The following GRIA4 variants were observed in gnomAD, a reference collection of about 807,000 sequenced individuals.
The protein encoded by GRIA4 is glutamate ionotropic receptor AMPA type subunit 4, also known as glutamate receptor 4.
A neutral mutation model predicts 104.0 loss-of-function variants in GRIA4; 34 were observed. That is an observed-to-expected ratio of 0.33 (90% CI 0.25 to 0.44). The LOEUF (loss-of-function observed/expected upper bound fraction) is 0.44. Ranked by LOEUF, GRIA4 falls within the 20% of genes least tolerant of loss-of-function variation. The probability of loss-of-function intolerance (pLI) is 1.00; values close to 1 mark genes in which losing one functional copy is unlikely to be tolerated. For missense variants in GRIA4, 750 were observed against 1,096.5 expected, an observed-to-expected ratio of 0.68 and a Z score of 4.46; for synonymous variants, 386 against 381.9, an observed-to-expected ratio of 1.01 and a Z score of -0.13.
intron 3 of GRIA4, among the ~76,000 whole-genome samples, chr11:105,683,090 C>T (rs1952762352): frequency 6.6e-6 from 1 of 151,970 alleles, no homozygotes; most frequent in Admixed American, 6.6e-5. Context: ...AATAAATTTG[C>T]TAAACTAAGG....
chr11:105,930,719 T>C (rs986933370), intron 13 of GRIA4, among the ~76,000 whole-genome samples: 1 of 152,154 alleles, frequency 6.6e-6, no homozygotes, highest in African/African-American at 2.4e-5. Context: ...AACTGTCCTA[T>C]TCCTTTAATA....
chr11:105,779,397 T>A (rs1941607947), intron 4 of GRIA4, among the ~76,000 whole-genome samples: 1 of 152,126 alleles, frequency 6.6e-6, no homozygotes, highest in Non-Finnish European at 1.5e-5. Flanking sequence ...GCCATCTCCA[T>A]CAAGCTACCA....
chr11:105,863,005 T>C (rs1262539301), intron 5 of GRIA4, among the ~76,000 whole-genome samples: 3 of 152,208 alleles, frequency 2.0e-5, no homozygotes, highest in Non-Finnish European at 4.4e-5. Context: ...GCTCATATTA[T>C]CTACAATACG....
chr11:105,753,284 T>A (rs1940113239), intron 4 of GRIA4, 64 bp downstream of exon 4: 1 of 1,480,206 alleles, frequency 6.8e-7, no homozygotes, highest in African/African-American at 1.4e-5. Context: ...TGGCCTTATA[T>A]GACTTCGGTT....
intron 3 of GRIA4, among the ~76,000 whole-genome samples, chr11:105,738,200 C>T (rs930581366): frequency 6.6e-6 from 1 of 152,124 alleles, no homozygotes; most frequent in Non-Finnish European, 1.5e-5. Flanking sequence ...TGTAAATTAA[C>T]TTTGGTAACT....
chr11:105,944,421 T>C (rs1948255614), intron 14 of GRIA4, among the ~76,000 whole-genome samples: 1 of 152,112 alleles, frequency 6.6e-6, no homozygotes, highest in Admixed American at 6.6e-5. Context: ...TTCAATCAAT[T>C]GTCTGGTATT....
At chr11:105,816,520 T>G (rs1943383112) in intron 4 of GRIA4, among the ~76,000 whole-genome samples, 2 of 152,168 alleles carry the variant, frequency 1.3e-5, no homozygotes, top group South Asian at 4.1e-4. Flanking sequence ...GATTGTAAGC[T>G]TCTAGAGGCC....
At chr11:105,854,349 A>G (rs1944933250) in intron 4 of GRIA4, among the ~76,000 whole-genome samples, 1 of 152,190 alleles carries the variant, frequency 6.6e-6, no homozygotes, top group African/African-American at 2.4e-5. Flanking sequence ...AAAACCCTGA[A>G]GACCCATCTT....
intron 4 of GRIA4, among the ~76,000 whole-genome samples, chr11:105,792,912 T>C: frequency 1.3e-5 from 1 of 75,384 alleles, no homozygotes; most frequent in South Asian, 3.4e-4. Context: ...TTGTCCAACA[T>C]ACAAGACAGG....
At chr11:105,671,013 A>G (rs1202438278) in intron 3 of GRIA4, among the ~76,000 whole-genome samples, 1 of 151,980 alleles carries the variant, frequency 6.6e-6, no homozygotes, top group African/African-American at 2.4e-5. Flanking sequence ...ACAACATTGC[A>G]TCTCTCTCTG....
chr11:105,920,041 G>A (rs1947515997), intron 11 of GRIA4, among the ~76,000 whole-genome samples: 1 of 152,096 alleles, frequency 6.6e-6, no homozygotes, highest in African/African-American at 2.4e-5. Flanking sequence ...AAAGGCAGAC[G>A]ATTCTGCATC....
At chr11:105,937,440 TA>T (rs1455678393) in intron 14 of GRIA4, among the ~76,000 whole-genome samples, 1 of 152,176 alleles carries the variant, frequency 6.6e-6, no homozygotes, top group Non-Finnish European at 1.5e-5. Context: ...ATAAACCTGT[TA>T]AAGGTTCTTT....
chr11:105,806,433 T>A (rs750333446), intron 4 of GRIA4, among the ~76,000 whole-genome samples: 3 of 151,846 alleles, frequency 2.0e-5, no homozygotes, highest in Non-Finnish European at 4.4e-5. Flanking sequence ...AAAGAAGACC[T>A]CTGGGGCTGG....
chr11:105,832,163 G>C (rs915625781), intron 4 of GRIA4, among the ~76,000 whole-genome samples: 6 of 151,916 alleles, frequency 3.9e-5, no homozygotes, highest in Non-Finnish European at 8.8e-5. Context: ...CGAAAAGTGA[G>C]ATCCAGTAGA....
chr11:105,663,098 GAAAAT>G (rs1235268705), intron 3 of GRIA4, among the ~76,000 whole-genome samples: 1 of 151,602 alleles, frequency 6.6e-6, no homozygotes, highest in Non-Finnish European at 1.5e-5. Flanking sequence ...TCATGCCTCT[GAAAAT>G]AAAATGTTTT....
At chr11:105,794,492 T>C (rs1459554407) in intron 4 of GRIA4, among the ~76,000 whole-genome samples, 1 of 118,174 alleles carries the variant, frequency 8.5e-6, no homozygotes, top group Non-Finnish European at 1.8e-5. Flanking sequence ...TATATATATA[T>C]ATATATATAT....
intron 3 of GRIA4, among the ~76,000 whole-genome samples, chr11:105,678,096 T>C (rs756676604): frequency 1.4e-4 from 21 of 152,086 alleles, no homozygotes; most frequent in Non-Finnish European, 2.5e-4. Flanking sequence ...TATTTTTATT[T>C]AATTTGGTGA....
chr11:105,948,595 G>GTTTTTTTTTTTTTTTTTTTTGT (rs1948382461), intron 14 of GRIA4, among the ~76,000 whole-genome samples: 1 of 87,868 alleles, frequency 1.1e-5, no homozygotes, highest in Non-Finnish European at 2.1e-5. Flanking sequence ...TTTTCTTTTT[G>GTTTTTTTTTTTTTTTTTTTTGT]TTTTTTTTTT....
intron 3 of GRIA4, among the ~76,000 whole-genome samples, chr11:105,689,794 C>T (rs1290299941): frequency 6.6e-6 from 1 of 152,202 alleles, no homozygotes; most frequent in Non-Finnish European, 1.5e-5. Flanking sequence ...TACAATGCCT[C>T]TGGTGCAGTC....
Sources: gnomAD v4.1 joint callset for allele counts (sites outside exome capture counted in the v4.1 genomes callset) on GRCh38, gnomAD v4.1.1 for gene constraint, MANE v1.5 for transcripts, NCBI Gene and HGNC (gene_info 2026-07-23, HGNC 2026-07-21) for gene names.